LRRC8D: variants seen among roughly 807,000 people sequenced by gnomAD.
LRRC8D encodes leucine rich repeat containing 8 VRAC subunit D, also known as volume-regulated anion channel subunit LRRC8D.
Under a neutral mutation model 55.8 loss-of-function variants are expected in LRRC8D, and 20 were observed. The ratio of observed to expected loss-of-function variants is 0.36; its 90% CI spans 0.25 to 0.52. The LOEUF is 0.52. Ranked by LOEUF, LRRC8D falls within the 20% of genes least tolerant of loss-of-function variation. The pLI, the probability that LRRC8D is intolerant of heterozygous loss-of-function variation, is 0.93. For missense variants in LRRC8D, 651 were observed against 1,030.8 expected (o/e 0.63, Z 5.05); for synonymous variants, 352 against 377.0 (o/e 0.93, Z 0.77).
intron 1 of LRRC8D, among the ~76,000 whole-genome samples, chr1:89,835,237 G>C (rs1282758573): frequency 6.6e-6 from 1 of 152,196 alleles, no homozygotes; most frequent in Middle Eastern, 3.2e-3. Context: ...GGTGAGGGAA[G>C]GGTTCTAGAG....
intron 2 of LRRC8D, among the ~76,000 whole-genome samples, chr1:89,880,254 A>G (rs1662249368): frequency 1.3e-5 from 2 of 150,822 alleles, no homozygotes; most frequent in Admixed American, 1.3e-4. Flanking sequence ...TGAGAAATGT[A>G]GACTGGAGTC....
At chr1:89,906,822 T>A (rs1435163102) in intron 2 of LRRC8D, among the ~76,000 whole-genome samples, 1 of 151,900 alleles carries the variant, frequency 6.6e-6, no homozygotes, top group Non-Finnish European at 1.5e-5. Flanking sequence ...ACCTGCTGAG[T>A]CATCTCAGCT....
At chr1:89,871,502 A>G (rs977367031) in intron 2 of LRRC8D, among the ~76,000 whole-genome samples, 6 of 152,216 alleles carry the variant, frequency 3.9e-5, no homozygotes, top group African/African-American at 7.2e-5. Context: ...GACTTAAAGT[A>G]TATTTGAACA....
At chr1:89,829,110 T>C (rs923029361) in intron 1 of LRRC8D, among the ~76,000 whole-genome samples, 1 of 152,202 alleles carries the variant, frequency 6.6e-6, no homozygotes, top group South Asian at 2.1e-4. Context: ...CTTGGAAAAA[T>C]GGTCCCCATG....
chr1:89,912,625 A>AT (rs1437543473), intron 2 of LRRC8D, among the ~76,000 whole-genome samples: 1 of 152,074 alleles, frequency 6.6e-6, no homozygotes, highest in African/African-American at 2.4e-5. Context: ...TGTCTGGTGC[A>AT]TTTTGGCTCT....
intron 2 of LRRC8D, among the ~76,000 whole-genome samples, chr1:89,893,016 A>G (rs1244058251): frequency 2.0e-5 from 3 of 152,242 alleles, no homozygotes; most frequent in Non-Finnish European, 2.9e-5. Context: ...CATCTATATG[A>G]CAGGTACTGT....
Position 89,933,183 on chromosome 1 carries a change from G to A in LRRC8D, c.115G>A (p.Ala39Thr). 1 of 1,614,198 alleles carries A rather than the reference G, an allele frequency of 6.2e-7. No individual in the cohort carries two copies. Among genetic ancestry groups the A allele is most frequent in the East Asian group, 2.2e-5 (1 of 44,888 alleles). Residue 39 changes from alanine to threonine, a missense_variant, in exon 3 of 3, where the codon GCC (alanine) becomes ACC (threonine). This residue lies in a region of LRRC8D where 118 missense variants were observed against 138.0 expected (regional missense o/e 0.85). Coordinates refer to ENST00000337338, the MANE Select transcript of LRRC8D (RefSeq NM_001134479.2). The surrounding 1 kb of genome is among the most constrained non-coding windows in gnomAD (Gnocchi z 7.0). The part of the protein sequence containing the change: ...DYLAVVMLMV[A>T]IFAGTMQLTK... Reference sequence around the variant, plus strand: ...CCTAGCTGTTGTTATGTTAATGGTAGCCATCTTTGCAGGAACCATGCAACT... The same window carrying A: ...CCTAGCTGTTGTTATGTTAATGGTAACCATCTTTGCAGGAACCATGCAACT...
intron 1 of LRRC8D, chr1:89,833,587 G>C (rs568775184): frequency 6.6e-6 from 1 of 152,290 alleles, no homozygotes; most frequent in Non-Finnish European, 1.5e-5. Context: ...TTGTGGACTC[G>C]TGTGACCTTG....
At chr1:89,915,874 ATCAAAG>A (rs1663253866) in intron 2 of LRRC8D, among the ~76,000 whole-genome samples, 1 of 152,256 alleles carries the variant, frequency 6.6e-6, no homozygotes, top group Admixed American at 6.5e-5. Flanking sequence ...ATCCAAGATT[ATCAAAG>A]TCAAAGACCA....
chr1:89,892,686 T>A (rs1413223081), intron 2 of LRRC8D, among the ~76,000 whole-genome samples: 1 of 152,066 alleles, frequency 6.6e-6, no homozygotes, highest in Non-Finnish European at 1.5e-5. Context: ...GCCCAGCTAA[T>A]TTTTTTGTAT....
At chr1:89,860,300 T>C (rs963934030) in intron 2 of LRRC8D, among the ~76,000 whole-genome samples, 1 of 152,204 alleles carries the variant, frequency 6.6e-6, no homozygotes, top group Admixed American at 6.5e-5. Flanking sequence ...TTAAACTAAA[T>C]CTTTTATGCG....
chr1:89,933,187 T>C lies in LRRC8D; in HGVS notation c.119T>C (p.Ile40Thr). Residue 40 changes from isoleucine (I) to threonine (T), a missense_variant, in exon 3 of 3, where the codon ATC becomes ACC. By Grantham distance (89) the Ile-to-Thr change is moderately conservative. This residue lies in a region of LRRC8D where 118 missense variants were observed against 138.0 expected (regional missense o/e 0.85). Coordinates refer to ENST00000337338, the MANE Select transcript of LRRC8D (RefSeq NM_001134479.2). This position sits in a 1 kb window ranked among gnomAD's most constrained non-coding sequence, Gnocchi z 7.0. Reference protein sequence around the residue: ...YLAVVMLMVAIFAGTMQLTKD... With the variant: ...YLAVVMLMVATFAGTMQLTKD... Reference sequence around the variant, plus strand: ...GCTGTTGTTATGTTAATGGTAGCCATCTTTGCAGGAACCATGCAACTTACC... The same window carrying C: ...GCTGTTGTTATGTTAATGGTAGCCACCTTTGCAGGAACCATGCAACTTACC... The C allele has an allele frequency of 6.2e-7, 1 of 1,614,226 alleles. No homozygotes were observed. The highest frequency in any genetic ancestry group is 8.5e-7 in the Non-Finnish European group (1 of 1,180,038).
chr1:89,881,230 A>G (rs1662275034), intron 2 of LRRC8D, among the ~76,000 whole-genome samples: 1 of 152,210 alleles, frequency 6.6e-6, no homozygotes, highest in South Asian at 2.1e-4. Context: ...CTATTCAGCC[A>G]ACAGGAAGGC....
chr1:89,934,049 G>A lies in LRRC8D; in HGVS notation c.981G>A (p.Ala327=), dbSNP rs137869661. The A allele has an allele frequency of 1.6e-4, 256 of 1,614,020 alleles. No homozygotes were observed. The highest frequency in any genetic ancestry group is 1.9e-4 in the Non-Finnish European group (227 of 1,180,034). ...AKFIFILCYT[A]NFVNAISFEH... ...TCATTTTTATTCTCTGCTATACAGC[G>A]AACTTTGTCAACGCAATCAGCTTTG... Residue 327 remains alanine, a synonymous_variant, in exon 3 of 3, where the codon GCG becomes GCA. Transcript: ENST00000337338. This position sits in a 1 kb window ranked among gnomAD's most constrained non-coding sequence, Gnocchi z 5.9.
intron 1 of LRRC8D, among the ~76,000 whole-genome samples, chr1:89,839,810 T>A (rs1222573721): frequency 6.6e-6 from 1 of 152,236 alleles, no homozygotes; most frequent in African/African-American, 2.4e-5. Flanking sequence ...TGTCATTTTT[T>A]ATTTTCTTGT....
At chr1:89,835,742 A>G (rs1170453078) in intron 1 of LRRC8D, among the ~76,000 whole-genome samples, 2 of 152,178 alleles carry the variant, frequency 1.3e-5, no homozygotes, top group African/African-American at 2.4e-5. Context: ...AGTTGTGAGG[A>G]TGGTTTATAT....
At chr1:89,920,770 A>C (rs1199242002) in intron 2 of LRRC8D, among the ~76,000 whole-genome samples, 1 of 150,394 alleles carries the variant, frequency 6.6e-6, no homozygotes, top group African/African-American at 2.4e-5. Context: ...ATTTTCTTTA[A>C]CTGTATAAAT....
intron 1 of LRRC8D, among the ~76,000 whole-genome samples, chr1:89,835,926 A>G (rs1452642080): frequency 1.3e-5 from 2 of 152,238 alleles, no homozygotes; most frequent in Non-Finnish European, 2.9e-5. Context: ...GAGAGTAGTA[A>G]GGGTGACATA....
At chr1:89,833,537 G>A (rs1660933836) in intron 1 of LRRC8D, among the ~76,000 whole-genome samples, 1 of 152,172 alleles carries the variant, frequency 6.6e-6, no homozygotes, top group African/African-American at 2.4e-5. Flanking sequence ...CCTAGGATTT[G>A]GAGCTTAAAA....
Sources: gnomAD v4.1 joint callset for allele counts (sites outside exome capture counted in the v4.1 genomes callset) on GRCh38, gnomAD v4.1.1 for gene constraint, gnomAD v4.1.1 regional missense constraint, Gnocchi (gnomAD v3.1) non-coding constraint, MANE v1.5 for transcripts, NCBI Gene and HGNC (gene_info 2026-07-23, HGNC 2026-07-21) for gene names.